LARS1: variants seen among roughly 807,000 people sequenced by gnomAD.
The protein encoded by LARS1 is leucyl-tRNA synthetase 1, also known as leucine--tRNA ligase, cytoplasmic.
LARS1 carries 100 observed loss-of-function variants against 162.8 expected under a neutral mutation model. That is an observed-to-expected ratio of 0.61 (90% CI 0.52 to 0.73). LARS1 has a LOEUF of 0.73. Ranked by LOEUF, LARS1 falls within the 30% of genes least tolerant of loss-of-function variation. The probability of loss-of-function intolerance (pLI) is 0.00; values close to 1 mark genes in which losing one functional copy is unlikely to be tolerated. For missense variants in LARS1, 1,258 were observed against 1,408.9 expected, an observed-to-expected ratio of 0.89 and a Z score of 1.71; for synonymous variants, 457 against 462.8, an observed-to-expected ratio of 0.99 and a Z score of 0.16.
chr5:146,170,454 A>G (rs1210395470), intron 4 of LARS1, among the ~76,000 whole-genome samples: 4 of 150,466 alleles, frequency 2.7e-5, no homozygotes, highest in African/African-American at 9.7e-5. Flanking sequence ...TGAGTGACAG[A>G]GCAAGATTCC....
At chr5:146,158,889 G>T (rs952476401) in intron 8 of LARS1, among the ~76,000 whole-genome samples, 1 of 152,144 alleles carries the variant, frequency 6.6e-6, no homozygotes, top group Non-Finnish European at 1.5e-5. Context: ...GAGGTCAGGA[G>T]ATCGAGACCA....
intron 28 of LARS1, 51 bp downstream of exon 28, chr5:146,126,384 C>T (rs778026925): frequency 2.8e-6 from 3 of 1,082,034 alleles, no homozygotes; most frequent in Admixed American, 3.6e-5. Flanking sequence ...TTCTATTGTC[C>T]CATCTAACCA....
Position 146,113,827 on chromosome 5 carries a change from T to C in LARS1, c.*279A>G. 1 of 385,174 alleles carries C rather than the reference T, an allele frequency of 2.6e-6. No individual in the cohort carries two copies. The highest frequency in any genetic ancestry group is 5.0e-5 in the East Asian group (1 of 20,176). 23.9% of individuals were successfully genotyped at this position (385,174 alleles called of 1,614,324 possible). On this transcript the variant is annotated 3_prime_UTR_variant, in exon 32 of 32. Transcript: ENST00000394434. ...CATACTGACACTTTTATGTTCATCT[T>C]AAAAACCAGAAACTTCTAGGAAATA...
In LARS1 at chr5:146,177,550, G is replaced by A; in HGVS notation, c.122C>T (p.Thr41Ile). The change falls in exon 2 of 32, where the codon ACC becomes ATC. Residue 41 changes from threonine to isoleucine, a missense_variant. Transcript: ENST00000394434. Reference protein sequence around the residue: ...EVNASNLEKQTSKGKYFVTFP... With the variant: ...EVNASNLEKQISKGKYFVTFP... ...AACTTCACAAACTATTACTCACCTG[G>A]TCTGTTTCTCTAAATTAGATGCATT... is the stretch of plus-strand genomic sequence containing the variant. The A allele has an allele frequency of 7.1e-7, 1 of 1,401,226 alleles. No individual in the cohort carries two copies. Among genetic ancestry groups the A allele is most frequent in the Non-Finnish European group, 1.0e-6 (1 of 1,000,260 alleles). The allele number at this position is 1,401,226 out of a possible 1,614,324, so 86.8% of individuals were successfully genotyped here.
rs756406064 is a variant in LARS1, at chr5:146,177,588, T to A, written c.84A>T (p.Arg28Ser). Residue 28 changes from arginine to serine, a missense_variant, in exon 2 of 32, where the codon AGA becomes AGT. Arg to Ser is a moderately radical substitution (Grantham distance 110, BLOSUM62 -1). Transcript: ENST00000394434. The stretch of plus-strand genomic sequence containing the variant: ...AATTAGATGCATTGACCTCAAACAC[T>A]CTCTCAGTATCCCATTTCTGTTGGA... ...KEIQQKWDTERVFEVNASNLE... is the reference protein window; with the variant it reads ...KEIQQKWDTESVFEVNASNLE... 6.3e-7 allele frequency: 1 copy of A among 1,596,242 alleles called. No individual in the cohort carries two copies. Among genetic ancestry groups the A allele is most frequent in the Admixed American group, 1.7e-5 (1 of 59,116 alleles).
rs761327554 is a variant in LARS1 at position 146,157,827 on chromosome 5, G to GA, written c.772-33dup. 56 of 1,596,124 alleles carry GA rather than the reference G, an allele frequency of 3.5e-5. No individual in the cohort carries two copies. In the East Asian group the frequency reaches 3.6e-4, roughly 10 times the overall value. ...AAATAAACGATACAAAAATTTGAAG[G>GA]AAAAAAAAGACTTGCCTTAAACCTA... On this transcript the variant is annotated intron_variant, in intron 8 of 31. Transcript: ENST00000394434.
chr5:146,151,638 A>T (rs1030615347), intron 14 of LARS1, among the ~76,000 whole-genome samples: 1 of 152,088 alleles, frequency 6.6e-6, no homozygotes, highest in Non-Finnish European at 1.5e-5. Flanking sequence ...CACTCCATAG[A>T]GATTCCTAGA....
chr5:146,161,298 G>A (rs955515761), intron 6 of LARS1, among the ~76,000 whole-genome samples: 2 of 152,218 alleles, frequency 1.3e-5, no homozygotes, highest in African/African-American at 4.8e-5. Flanking sequence ...GGCTACTGAA[G>A]GTTGTGATGG....
chr5:146,160,393 T>G lies in LARS1; in HGVS notation c.688A>C (p.Lys230Gln). ...ACTTACCGCTTCCCAAATTTAATTT[T>G]GTTTCTTTCTCTTAATGTTAAAAAT... ...WQFLTLRERN[K>Q]IKFGKRYTIY... is the part of the protein sequence containing the mutation. The change falls in exon 7 of 32, where the codon AAA (lysine) becomes CAA (glutamine). Residue 230 changes from lysine (K) to glutamine (Q), a missense_variant. By Grantham distance (53) the Lys-to-Gln change is moderately conservative. Coordinates refer to ENST00000394434, the MANE Select transcript of LARS1 (RefSeq NM_020117.11). 1 of 1,559,968 alleles carries G rather than the reference T, an allele frequency of 6.4e-7. No individual in the cohort carries two copies. Among genetic ancestry groups the G allele is most frequent in the Non-Finnish European group, 8.7e-7 (1 of 1,148,848 alleles).
intron 8 of LARS1, among the ~76,000 whole-genome samples, chr5:146,158,564 T>C (rs1465440637): frequency 1.3e-5 from 2 of 152,202 alleles, no homozygotes; most frequent in East Asian, 3.8e-4. Context: ...TTTCAGAGAA[T>C]AATGTTAATA....
intron 6 of LARS1, 138 bp downstream of exon 6, chr5:146,164,172 C>T: frequency 1.3e-6 from 1 of 777,592 alleles, no homozygotes; most frequent in Non-Finnish European, 2.1e-6. Context: ...AATGGTGCCA[C>T]TAGACTTGCT....
intron 5 of LARS1, among the ~76,000 whole-genome samples, chr5:146,167,743 AT>A (rs1754078889): frequency 6.7e-6 from 1 of 150,156 alleles, no homozygotes; most frequent in Non-Finnish European, 1.5e-5. Flanking sequence ...GTTAGCCAGG[AT>A]GGTCTCGATC....
chr5:146,147,686 C>T (rs1753075949), intron 15 of LARS1, among the ~76,000 whole-genome samples: 1 of 151,776 alleles, frequency 6.6e-6, no homozygotes, highest in Non-Finnish European at 1.5e-5. Flanking sequence ...CTGCCAGGAT[C>T]TAAGAGGTTC....
At position 146,159,471 on chromosome 5, in the gene LARS1, C is replaced by G; in HGVS notation, c.708-1G>C. On this transcript the variant is annotated splice_acceptor_variant, in intron 7 of 31. Transcript: ENST00000394434. LOFTEE classifies it high-confidence loss of function. ...ATCTTTCGGAGAGTAAATTGTATAC[C>G]TAAAAAATAAACAAAAAGTGACAAA... 2 of 1,605,666 alleles carry G rather than the reference C, an allele frequency of 1.2e-6. No homozygotes were observed. Among genetic ancestry groups the G allele is most frequent in the Non-Finnish European group, 1.7e-6 (2 of 1,172,794 alleles).
At chr5:146,148,202 A>G (rs1753105353) in intron 15 of LARS1, among the ~76,000 whole-genome samples, 1 of 152,252 alleles carries the variant, frequency 6.6e-6, no homozygotes, top group African/African-American at 2.4e-5. Context: ...AAGGACATAG[A>G]CATGGGATTA....
chr5:146,151,331 A>G (rs576525442), intron 14 of LARS1, among the ~76,000 whole-genome samples: 1 of 152,296 alleles, frequency 6.6e-6, no homozygotes, highest in East Asian at 1.9e-4. Flanking sequence ...GAAGCACCTA[A>G]TAACTTGTTT....
In LARS1 at chr5:146,148,890, A is replaced by G. The variant is rs536168814; in HGVS notation, c.1503+732T>C. Among the ~76,000 whole-genome samples, 6 of 152,172 alleles carry G rather than the reference A, an allele frequency of 3.9e-5. No homozygotes were observed. The East Asian group carries it at 1.2e-3, about 29-fold the overall frequency. On this transcript the variant is annotated intron_variant, in intron 15 of 31. Coordinates refer to ENST00000394434, the MANE Select transcript of LARS1 (RefSeq NM_020117.11). Reference sequence around the variant, plus strand: ...CGGGAGTTCGAGACCAGCCTGACCAACATGGAGAAACCCCATCTCTACTAA... The same window carrying G: ...CGGGAGTTCGAGACCAGCCTGACCAGCATGGAGAAACCCCATCTCTACTAA...
intron 4 of LARS1, among the ~76,000 whole-genome samples, chr5:146,169,880 C>A (rs1754183977): frequency 6.6e-6 from 1 of 151,940 alleles, no homozygotes; most frequent in African/African-American, 2.4e-5. Flanking sequence ...GGAAAAGTCA[C>A]CTTTAGAATG....
intron 10 of LARS1, 46 bp from the exon 11 acceptor site, chr5:146,154,026 G>T: frequency 1.5e-6 from 2 of 1,308,176 alleles, no homozygotes; most frequent in South Asian, 1.3e-5. Context: ...AATTCATTGT[G>T]ACCATTAGAA....
Sources: gnomAD v4.1 joint callset for allele counts (sites outside exome capture counted in the v4.1 genomes callset) on GRCh38, gnomAD v4.1.1 for gene constraint, MANE v1.5 for transcripts, NCBI Gene and HGNC (gene_info 2026-07-23, HGNC 2026-07-21) for gene names.